The following CIITA variants were observed in gnomAD, a reference collection of about 807,000 sequenced individuals.
CIITA encodes the protein MHC class II transactivator.
A neutral mutation model predicts 115.1 loss-of-function variants in CIITA; 72 were observed. The ratio of observed to expected loss-of-function variants is 0.63; its 90% CI spans 0.52 to 0.76. CIITA has a LOEUF of 0.76. Ranked by LOEUF, CIITA falls within the 30% of genes least tolerant of loss-of-function variation. The pLI, the probability that CIITA is intolerant of heterozygous loss-of-function variation, is 0.00. For synonymous variants in CIITA, 763 were observed against 635.6 expected (o/e 1.20, Z -3.02); for missense variants, 1,617 against 1,463.8 (o/e 1.10, Z -1.71).
intron 1 of CIITA, among the ~76,000 whole-genome samples, chr16:10,878,603 G>A (rs1020414631): frequency 6.6e-6 from 1 of 152,194 alleles, no homozygotes; most frequent in Non-Finnish European, 1.5e-5. Context: ...GAGGTGGTTT[G>A]CCACTTTCAC....
chr16:10,934,013 A>G lies in CIITA; in HGVS notation c.*10158A>G, dbSNP rs1398009595. ...TGCACAGGTCCATGTCCCTGAGGAA[A>G]GCCAACGTCACAGAGAAATGATGAC... On this transcript the variant is annotated 3_prime_UTR_variant, in exon 20 of 20. Transcript: ENST00000324288. The surrounding 1 kb of genome is among the most constrained non-coding windows in gnomAD (Gnocchi z 4.2). The G allele has an allele frequency of 6.6e-6, 1 of 152,226 alleles. No individual in the cohort carries two copies. Among genetic ancestry groups the G allele is most frequent in the Non-Finnish European group, 1.5e-5 (1 of 68,050 alleles). 9.4% of individuals were successfully genotyped at this position (152,226 alleles called of 1,614,324 possible). A position where few individuals can be genotyped will look rare whatever the true frequency, so the allele number is the denominator to read the frequency against.
At chr16:10,909,789 AGTAGTGCGATCATAGCTTACT>A (rs1414819990) in intron 12 of CIITA, among the ~76,000 whole-genome samples, 1 of 152,198 alleles carries the variant, frequency 6.6e-6, no homozygotes, top group Admixed American at 6.5e-5. Context: ...GCTAGAATAC[AGTAGTGCGATCATAGCTTACT>A]GTAGCTTCGG....
chr16:10,890,302 G>A (rs2037431673), intron 1 of CIITA, among the ~76,000 whole-genome samples: 1 of 148,828 alleles, frequency 6.7e-6, no homozygotes, highest in African/African-American at 2.5e-5. Flanking sequence ...TTTTTTTTCT[G>A]AGACACAGTC....
intron 1 of CIITA, among the ~76,000 whole-genome samples, chr16:10,868,782 G>C (rs974925366): frequency 1.3e-5 from 2 of 152,102 alleles, no homozygotes; most frequent in East Asian, 3.8e-4. Flanking sequence ...TTCCTCCCTC[G>C]GGAGGTAATA....
In CIITA at chr16:10,895,669, A is replaced by G. The variant is rs200879588; in HGVS notation, c.200A>G (p.Glu67Gly). 8.1e-6 allele frequency: 13 copies of G among 1,613,992 alleles called. No individual in the cohort carries two copies. The highest frequency in any genetic ancestry group is 6.7e-5 in the African/African-American group (5 of 74,902). The change falls in exon 3 of 20, where the codon GAA becomes GGA. Residue 67 changes from glutamate (E) to glycine (G), a missense_variant and splice_region_variant. By Grantham distance (98) the Glu-to-Gly change is moderately conservative (BLOSUM62 -2). Coordinates refer to ENST00000324288, the MANE Select transcript of CIITA (RefSeq NM_000246.4). ...AGEEEIELYSEPDTDTINCDQ... is the reference protein window; with the variant it reads ...AGEEEIELYSGPDTDTINCDQ... ...TCATCCAAGGGACTTTTCCTCCCAG[A>G]ACCCGACACAGACACCATCAACTGC...
intron 1 of CIITA, among the ~76,000 whole-genome samples, chr16:10,867,932 A>T (rs1039733978): frequency 6.6e-6 from 1 of 151,232 alleles, no homozygotes; most frequent in African/African-American, 2.4e-5. Context: ...ATTTTTTTTT[A>T]ATTATTTTTT....
rs1232594242 is a variant in CIITA at position 10,935,640 on chromosome 16, AC to A, written c.*11787del. The A allele has an allele frequency of 6.6e-6, 1 of 152,260 alleles. No homozygotes were observed. The highest frequency in any genetic ancestry group is 1.5e-5 in the Non-Finnish European group (1 of 68,044). 9.4% of individuals were successfully genotyped at this position (152,260 alleles called of 1,614,324 possible). A position where few individuals can be genotyped will look rare whatever the true frequency, so the allele number is the denominator to read the frequency against. On this transcript the variant is annotated 3_prime_UTR_variant, in exon 20 of 20. Coordinates refer to ENST00000324288, the MANE Select transcript of CIITA (RefSeq NM_000246.4). ...ACAGTGGAGAGACCTGGCAGACACC[AC>A]CTTCACCAACTGATCAAAGTTAACA...
In CIITA at chr16:10,898,629, T is replaced by C. The variant is rs374445911; in HGVS notation, c.296-41T>C. ...GCCTGGCACACAGTGGGCCTTCAGT[T>C]AGACCTTGTTGATTGACTGCGCTTT... On this transcript the variant is annotated intron_variant, in intron 3 of 19. Transcript: ENST00000324288. 5 of 1,581,126 alleles carry C rather than the reference T, an allele frequency of 3.2e-6. No individual in the cohort carries two copies. In the African/African-American group the frequency reaches 6.8e-5, roughly 21 times the overall value.
At chr16:10,890,816 T>C (rs1273147526) in intron 1 of CIITA, among the ~76,000 whole-genome samples, 2 of 152,224 alleles carry the variant, frequency 1.3e-5, no homozygotes, top group African/African-American at 4.8e-5. Flanking sequence ...CACTTACTGA[T>C]TGCCAGTCCC....
chr16:10,895,701 T>C lies in CIITA; in HGVS notation c.232T>C (p.Phe78Leu). ...CACAGACACCATCAACTGCGACCAG[T>C]TCAGCAGGCTGTTGTGTGACATGGA... ...PDTDTINCDQ[F>L]SRLLCDMEGD... The change falls in exon 3 of 20, where the codon TTC (phenylalanine) becomes CTC (leucine). Residue 78 changes from phenylalanine to leucine, a missense_variant. Transcript: ENST00000324288. The C allele has an allele frequency of 6.2e-7, 1 of 1,614,162 alleles. No homozygotes were observed. Among genetic ancestry groups the C allele is most frequent in the Non-Finnish European group, 8.5e-7 (1 of 1,180,018 alleles).
chr16:10,889,341 T>C (rs977409070), intron 1 of CIITA, among the ~76,000 whole-genome samples: 2 of 152,044 alleles, frequency 1.3e-5, no homozygotes, highest in African/African-American at 4.8e-5. Context: ...GATCTTGGTG[T>C]GACTGGGAGG....
rs1411095798 is a variant in CIITA at position 10,902,771 on chromosome 16, A to T, written c.742A>T (p.Thr248Ser). 1.5e-5 allele frequency: 24 copies of T among 1,614,216 alleles called. No homozygotes were observed. The highest frequency in any genetic ancestry group is 2.0e-5 in the Non-Finnish European group (24 of 1,180,036). The change falls in exon 8 of 20, where the codon ACA becomes TCA. Residue 248 changes from threonine (T) to serine (S), a missense_variant. Physicochemically the swap from Thr to Ser is moderately conservative, Grantham distance 58. Coordinates refer to ENST00000324288, the MANE Select transcript of CIITA (RefSeq NM_000246.4). ...GCTCTGGCAAATCTCTGAGGCTGGA[A>T]CAGGGGTCTCCAGTATATTCATCTA... The part of the protein sequence containing the change: ...HGLWQISEAG[T>S]GVSSIFIYHG...
intron 13 of CIITA, 146 bp downstream of exon 13, chr16:10,910,405 G>A: frequency 1.3e-6 from 1 of 768,538 alleles, no homozygotes; most frequent in Middle Eastern, 2.7e-4. Flanking sequence ...TCCAGCAGCT[G>A]GAAAGTGACC....
rs2040870672 is a variant in CIITA at position 10,933,139 on chromosome 16, T to G, written c.*9284T>G. 1 of 152,164 alleles carries G rather than the reference T, an allele frequency of 6.6e-6. No individual in the cohort carries two copies. Among genetic ancestry groups the G allele is most frequent in the Non-Finnish European group, 1.5e-5 (1 of 68,084 alleles). 9.4% of individuals were successfully genotyped at this position (152,164 alleles called of 1,614,324 possible). ...GCAGACAAGTTATCAGCCACTAGAT[T>G]TTTTTCCCCCTTTCTGAAACTGTAA... On this transcript the variant is annotated 3_prime_UTR_variant, in exon 20 of 20. Transcript: ENST00000324288.
intron 1 of CIITA, among the ~76,000 whole-genome samples, chr16:10,894,785 G>A (rs183493762): frequency 6.6e-6 from 1 of 152,140 alleles, no homozygotes; most frequent in Non-Finnish European, 1.5e-5. Context: ...AGACTGTCTG[G>A]GTTCAAATCC....
intron 10 of CIITA, among the ~76,000 whole-genome samples, chr16:10,905,984 C>T (rs2039120963): frequency 6.6e-6 from 1 of 151,798 alleles, no homozygotes; most frequent in Non-Finnish European, 1.5e-5. Context: ...CCCAGGAGCT[C>T]AAGACCAGCC....
chr16:10,903,924 A>T (rs553412459), intron 9 of CIITA, 29 bp downstream of exon 9: 114 of 1,613,960 alleles, frequency 7.1e-5, no homozygotes, highest in Non-Finnish European at 9.2e-5. Context: ...TGTGAGAGGT[A>T]CTAGAAGCAG....
chr16:10,891,456 A>T (rs2037575515), intron 1 of CIITA, among the ~76,000 whole-genome samples: 4 of 152,196 alleles, frequency 2.6e-5, no homozygotes, highest in Admixed American at 2.6e-4. Context: ...TTATTATTTT[A>T]TAGATATGGA....
intron 3 of CIITA, among the ~76,000 whole-genome samples, chr16:10,898,116 C>T (rs143557343): frequency 2.6e-5 from 4 of 152,164 alleles, no homozygotes; most frequent in African/African-American, 7.2e-5. Flanking sequence ...CCACCATACA[C>T]CTTTTTTCTC....
Sources: allele counts gnomAD v4.1 joint callset (sites outside exome capture counted in the v4.1 genomes callset), GRCh38; gene constraint gnomAD v4.1.1; non-coding constraint Gnocchi (gnomAD v3.1); transcripts MANE v1.5; gene names NCBI Gene and HGNC (gene_info 2026-07-23, HGNC 2026-07-21).